The following DNMT1 variants were observed in gnomAD, a reference collection of about 807,000 sequenced individuals.
DNMT1 encodes DNA (cytosine-5)-methyltransferase 1.
Under a neutral mutation model 205.3 loss-of-function variants are expected in DNMT1, and 24 were observed. That is an observed-to-expected ratio of 0.12 (90% CI 0.08 to 0.16). The LOEUF is 0.16. DNMT1 is among the 10% of genes least tolerant of loss of function. The pLI, the probability that DNMT1 is intolerant of heterozygous loss-of-function variation, is 1.00. For missense variants in DNMT1, 1,293 were observed against 2,177.7 expected (o/e 0.59, Z 8.09); for synonymous variants, 817 against 839.8 (o/e 0.97, Z 0.47).
In DNMT1 at chr19:10,194,850, G is replaced by C; in HGVS notation, c.50C>G (p.Ala17Gly). ...PARVPTLAVP[A>G]ISLPDDVRRR... ...GCGGACATCGTCGGGCAGCGAGATG[G>C]CCGGGACGGCCAGTGTGGGCACCCG... The change falls in exon 1 of 41, where the codon GCC becomes GGC. Residue 17 changes from alanine to glycine, a missense_variant. Physicochemically the swap from Ala to Gly is moderately conservative, Grantham distance 60. Coordinates refer to ENST00000359526, the MANE Select transcript of DNMT1 (RefSeq NM_001130823.3). The C allele has an allele frequency of 6.2e-7, 1 of 1,611,638 alleles. No homozygotes were observed. The highest frequency in any genetic ancestry group is 1.7e-5 in the Admixed American group (1 of 59,930).
At chr19:10,141,974 C>A in intron 30 of DNMT1, 54 bp downstream of exon 30, 2 of 1,600,928 alleles carry the variant, frequency 1.2e-6, no homozygotes, top group South Asian at 2.2e-5. Flanking sequence ...ACATCAGACT[C>A]CTTCTGGCCA....
chr19:10,136,213 G>A lies in DNMT1; in HGVS notation c.4564C>T (p.Arg1522Trp). The A allele has an allele frequency of 1.2e-6, 2 of 1,614,128 alleles. No individual in the cohort carries two copies. Among genetic ancestry groups the A allele is most frequent in the African/African-American group, 1.3e-5 (1 of 75,064 alleles). ...IPWCLPHTGN[R>W]HNHWAGLYGR... ...TAGAGGCCAGCCCAGTGGTTGTGCC[G>A]GTTCCCGGTGTGGGGCAGGCACCAG... is the stretch of plus-strand genomic sequence containing the variant. The change falls in exon 38 of 41, where the codon CGG becomes TGG. Residue 1522 changes from arginine (R) to tryptophan (W), a missense_variant. This residue lies in a region of DNMT1 where 5 missense variants were observed against 55.7 expected (regional missense o/e 0.09). Transcript: ENST00000359526.
Position 10,137,517 on chromosome 19 carries a change from A to G in DNMT1, c.4294-237T>C. The G allele has an allele frequency of 4.7e-6, 3 of 636,604 alleles. No homozygotes were observed. Among genetic ancestry groups the G allele is most frequent in the South Asian group, 3.9e-5 (2 of 51,852 alleles). The allele number at this position is 636,604 out of a possible 1,614,324, so 39.4% of individuals were successfully genotyped here. ...TGAGCCTTTAGGGTGGGGGAAGGGGAGTGGTGCCAGGGGATGGTGAAAGGG... is the reference window on the plus strand; with the variant it reads ...TGAGCCTTTAGGGTGGGGGAAGGGGGGTGGTGCCAGGGGATGGTGAAAGGG... On this transcript the variant is annotated intron_variant, in intron 36 of 40. Coordinates refer to ENST00000359526, the MANE Select transcript of DNMT1 (RefSeq NM_001130823.3). This position sits in a 1 kb window ranked among gnomAD's most constrained non-coding sequence, Gnocchi z 6.4.
At chr19:10,163,867 A>AC (rs1160488944) in intron 11 of DNMT1, among the ~76,000 whole-genome samples, 2 of 151,908 alleles carry the variant, frequency 1.3e-5, no homozygotes, top group South Asian at 2.1e-4. Flanking sequence ...ACATGCTGAG[A>AC]CCCCATCTCT....
chr19:10,194,050 G>C (rs2039354393), intron 1 of DNMT1, among the ~76,000 whole-genome samples: 1 of 152,200 alleles, frequency 6.6e-6, no homozygotes, highest in Admixed American at 6.5e-5. Context: ...ACACACGAAA[G>C]TGTAGCCAGT....
chr19:10,181,072 T>C (rs2039036895), intron 2 of DNMT1, among the ~76,000 whole-genome samples, 187 bp from the exon 3 acceptor site: 1 of 152,200 alleles, frequency 6.6e-6, no homozygotes, highest in Non-Finnish European at 1.5e-5. Context: ...ACTTCACTCC[T>C]GTCTCCAAAG....
chr19:10,178,068 C>T (rs2038969552), intron 5 of DNMT1, among the ~76,000 whole-genome samples: 1 of 150,560 alleles, frequency 6.6e-6, no homozygotes, highest in Non-Finnish European at 1.5e-5. Context: ...ACCATCCTGG[C>T]CAACATGGTG....
chr19:10,180,404 G>A lies in DNMT1; in HGVS notation c.391C>T (p.Pro131Ser), dbSNP rs1057518769. ...CTGGGCGTGCGAGGTTTGGAAAGGG[G>A]TTTGGGGGGGCTGTTGGCATCTGCC... ...GMADANSPPK[P>S]LSKPRTPRRS... The change falls in exon 4 of 41, where the codon CCC becomes TCC. Residue 131 changes from proline (P) to serine (S), a missense_variant. By Grantham distance (74) the Pro-to-Ser change is moderately conservative. Coordinates refer to ENST00000359526, the MANE Select transcript of DNMT1 (RefSeq NM_001130823.3). 6.8e-6 allele frequency: 11 copies of A among 1,613,874 alleles called. No homozygotes were observed. The highest frequency in any genetic ancestry group is 8.5e-6 in the Non-Finnish European group (10 of 1,180,044).
intron 11 of DNMT1, among the ~76,000 whole-genome samples, chr19:10,165,423 C>T (rs564218264): frequency 1.3e-5 from 2 of 152,224 alleles, no homozygotes; most frequent in African/African-American, 2.4e-5. Context: ...GACAGAGTCT[C>T]GCTCTGTTGC....
At chr19:10,175,194 G>A (rs1311306531) in intron 7 of DNMT1, among the ~76,000 whole-genome samples, 2 of 150,358 alleles carry the variant, frequency 1.3e-5, no homozygotes, top group African/African-American at 4.9e-5. Context: ...TTTCTCCCCT[G>A]GACCTCCAGC....
chr19:10,143,672 A>G, intron 29 of DNMT1, 94 bp downstream of exon 29: 2 of 1,420,370 alleles, frequency 1.4e-6, no homozygotes, highest in Non-Finnish European at 2.0e-6. Context: ...CCTAACTCTT[A>G]GAACAACTGT....
Position 10,151,637 on chromosome 19 carries a change from T to C in DNMT1, c.2118-92A>G. ...ATAACAGGGACAGGTCCTGAGACAATGCCTAACGAAGGAATCCTGGTGCTG... is the reference window on the plus strand; with the variant it reads ...ATAACAGGGACAGGTCCTGAGACAACGCCTAACGAAGGAATCCTGGTGCTG... On this transcript the variant is annotated intron_variant, in intron 23 of 40. Coordinates refer to ENST00000359526, the MANE Select transcript of DNMT1 (RefSeq NM_001130823.3). This position sits in a 1 kb window ranked among gnomAD's most constrained non-coding sequence, Gnocchi z 5.0. The C allele has an allele frequency of 6.2e-7, 1 of 1,609,700 alleles. No individual in the cohort carries two copies. Among genetic ancestry groups the C allele is most frequent in the Non-Finnish European group, 8.5e-7 (1 of 1,177,896 alleles).
intron 1 of DNMT1, among the ~76,000 whole-genome samples, chr19:10,185,503 T>G (rs1441324390): frequency 6.6e-6 from 1 of 151,330 alleles, no homozygotes; most frequent in African/African-American, 2.4e-5. Flanking sequence ...GACTGTATAT[T>G]ATATATACTG....
intron 6 of DNMT1, 84 bp downstream of exon 6, chr19:10,177,208 G>C: frequency 8.0e-7 from 1 of 1,250,226 alleles, no homozygotes; most frequent in Non-Finnish European, 1.2e-6. Flanking sequence ...ACGGAAGACA[G>C]AATTGCCACG....
chr19:10,155,767 C>A (rs533224153), intron 19 of DNMT1, 86 bp downstream of exon 19: 2 of 1,414,434 alleles, frequency 1.4e-6, no homozygotes, highest in East Asian at 2.4e-5. Flanking sequence ...CTGAGAATTC[C>A]CACCAGAGCC....
At position 10,159,809 on chromosome 19, in the gene DNMT1, G is replaced by A. The variant is rs2038528782; in HGVS notation, c.1170+33C>T. The A allele has an allele frequency of 6.2e-7, 1 of 1,614,214 alleles. No individual in the cohort carries two copies. The highest frequency in any genetic ancestry group is 1.1e-5 in the South Asian group (1 of 91,084). On this transcript the variant is annotated intron_variant, in intron 16 of 40. Transcript: ENST00000359526. This position sits in a 1 kb window ranked among gnomAD's most constrained non-coding sequence, Gnocchi z 5.0. ...TGGTGAGCAGTGGGACAAGGGACAG[G>A]CAGAGGAAGGCTGGGAAGAGAGCTG...
Position 10,156,547 on chromosome 19 carries a change from C to A in DNMT1, c.1281-38G>T. The A allele has an allele frequency of 6.5e-7, 1 of 1,532,148 alleles. No homozygotes were observed. The highest frequency in any genetic ancestry group is 2.3e-5 in the East Asian group (1 of 44,258). The allele number at this position is 1,532,148 out of a possible 1,614,324, so 94.9% of individuals were successfully genotyped here. ...CAAAGCACATGCTTACCAGCTAAGC[C>A]GTGAAGGCGGGTCTTCGTGCAGACT... On this transcript the variant is annotated intron_variant, in intron 17 of 40. Transcript: ENST00000359526. The surrounding 1 kb of genome is among the most constrained non-coding windows in gnomAD (Gnocchi z 4.2).
intron 33 of DNMT1, 91 bp from the exon 34 acceptor site, chr19:10,139,908 C>T (rs2145264686): frequency 6.4e-7 from 1 of 1,571,062 alleles, no homozygotes; most frequent in South Asian, 1.1e-5. Context: ...CGAATGTTAT[C>T]AAAGTCTCTC....
chr19:10,173,064 C>T (rs754120815), intron 9 of DNMT1, 26 bp downstream of exon 9: 18 of 1,613,894 alleles, frequency 1.1e-5, no homozygotes, highest in Middle Eastern at 1.6e-4. Context: ...GGAGAATTAA[C>T]AAACTTAGAG....
Sources: allele counts gnomAD v4.1 joint callset (sites outside exome capture counted in the v4.1 genomes callset), GRCh38; gene constraint gnomAD v4.1.1; regional missense constraint gnomAD v4.1.1; non-coding constraint Gnocchi (gnomAD v3.1); transcripts MANE v1.5; gene names NCBI Gene and HGNC (gene_info 2026-07-23, HGNC 2026-07-21).